RSF1: variants seen among roughly 807,000 people sequenced by gnomAD.
RSF1 encodes HBV pX-associated protein 8.
A neutral mutation model predicts 145.2 loss-of-function variants in RSF1; 13 were observed. The observed-to-expected ratio is 0.09, with a 90% CI of 0.06 to 0.14. The LOEUF is 0.14. RSF1 is among the 10% of genes least tolerant of loss of function. RSF1 has a pLI of 1.00. For missense variants in RSF1, 1,517 were observed against 1,718.2 expected (o/e 0.88, Z 2.07); for synonymous variants, 577 against 592.6 (o/e 0.97, Z 0.38).
chr11:77,848,904 T>C, the RSF1 span, among the ~76,000 whole-genome samples: 1 of 152,108 alleles, frequency 6.6e-6, no homozygotes, highest in Non-Finnish European at 1.5e-5. Flanking sequence ...TCCAGCCTGC[T>C]CTTATCATCC....
Position 77,701,446 on chromosome 11 carries a change from A to C in RSF1, c.1783T>G (p.Phe595Val). ...AATCTTTGTGCGTCCTTATCAAGAA[A>C]AGTCTTTTTGGACTTCTCTAACTTT... is the stretch of plus-strand genomic sequence containing the variant. ...LEKLEKSKKT[F>V]LDKDAQRLSP... is the part of the protein sequence containing the mutation. The change falls in exon 6 of 16, where the codon TTT becomes GTT. Residue 595 changes from phenylalanine to valine, a missense_variant. Physicochemically the swap from Phe to Val is conservative, Grantham distance 50. Transcript: ENST00000308488. 1.2e-6 allele frequency: 2 copies of C among 1,614,124 alleles called. No homozygotes were observed. The highest frequency in any genetic ancestry group is 1.7e-5 in the Admixed American group (1 of 60,024).
intron 11 of RSF1, among the ~76,000 whole-genome samples, chr11:77,679,128 C>T (rs565976646): frequency 6.6e-6 from 1 of 152,286 alleles, no homozygotes; most frequent in Admixed American, 6.5e-5. Flanking sequence ...ATGATACAGA[C>T]GTGTTTCAAT....
rs1417522257 is a variant in RSF1, at chr11:77,702,331, G to C, written c.898C>G (p.Pro300Ala). The C allele has an allele frequency of 6.2e-7, 1 of 1,609,478 alleles. No homozygotes were observed. Among genetic ancestry groups the C allele is most frequent in the Non-Finnish European group, 8.5e-7 (1 of 1,178,992 alleles). Residue 300 changes from proline (P) to alanine (A), a missense_variant, in exon 6 of 16, where the codon CCA becomes GCA. Coordinates refer to ENST00000308488, the MANE Select transcript of RSF1 (RefSeq NM_016578.4). Reference protein sequence around the residue: ...PVIVKLEKPLPENEEKKIIKE... With the variant: ...PVIVKLEKPLAENEEKKIIKE... ...ATAATCTTTTTTTCTTCATTTTCTG[G>C]CAAAGGTTTTTCTAGCTTCACTATG...
intron 1 of RSF1, among the ~76,000 whole-genome samples, chr11:77,793,949 A>G (rs1441309720): frequency 6.6e-6 from 1 of 152,234 alleles, no homozygotes; most frequent in Non-Finnish European, 1.5e-5. Context: ...GAAGGTCATT[A>G]TACAATGATA....
the RSF1 span, among the ~76,000 whole-genome samples, chr11:77,849,520 G>A: frequency 3.3e-5 from 5 of 152,190 alleles, no homozygotes; most frequent in East Asian, 5.8e-4. Flanking sequence ...CACTGCACCC[G>A]GCCTAATTTT....
At chr11:77,803,691 A>G (rs1948648982) in intron 1 of RSF1, among the ~76,000 whole-genome samples, 1 of 151,992 alleles carries the variant, frequency 6.6e-6, no homozygotes, top group African/African-American at 2.4e-5. Flanking sequence ...AGGCAGGAGA[A>G]TTGCTTAAAC....
At chr11:77,839,804 C>T in the RSF1 span, among the ~76,000 whole-genome samples, 2 of 152,014 alleles carry the variant, frequency 1.3e-5, no homozygotes, top group African/African-American at 4.8e-5. Context: ...GAACAACACA[C>T]ACTGGGGCTT....
chr11:77,871,632 A>G, the RSF1 span, among the ~76,000 whole-genome samples: 9 of 152,190 alleles, frequency 5.9e-5, no homozygotes, highest in African/African-American at 1.7e-4. Context: ...TATTATACCT[A>G]TTTTACAAGG....
intron 1 of RSF1, among the ~76,000 whole-genome samples, chr11:77,769,489 C>G (rs562583895): frequency 1.5e-4 from 23 of 152,264 alleles, no homozygotes; most frequent in Non-Finnish European, 1.9e-4. Flanking sequence ...ATTTCATAAA[C>G]AAACCCCCTT....
the RSF1 span, among the ~76,000 whole-genome samples, chr11:77,858,770 G>A: frequency 1.3e-5 from 2 of 152,312 alleles, no homozygotes; most frequent in Admixed American, 6.5e-5. Context: ...ATTAACATCA[G>A]AGCATGGGCT....
intron 4 of RSF1, among the ~76,000 whole-genome samples, chr11:77,727,912 A>T (rs1961097644): frequency 6.6e-6 from 1 of 152,298 alleles, no homozygotes; most frequent in Admixed American, 6.5e-5. Context: ...TGAAAACAAA[A>T]CTACCCATCT....
intron 1 of RSF1, among the ~76,000 whole-genome samples, chr11:77,765,657 G>A (rs1948217989): frequency 6.6e-6 from 1 of 152,260 alleles, no homozygotes; most frequent in South Asian, 2.1e-4. Context: ...TAAACAATCA[G>A]AGTTCCTCTA....
At chr11:77,814,755 A>T (rs1354290145) in intron 1 of RSF1, among the ~76,000 whole-genome samples, 2 of 152,186 alleles carry the variant, frequency 1.3e-5, no homozygotes, top group Non-Finnish European at 2.9e-5. Context: ...GAAAAAATAC[A>T]TTTTTATAAA....
chr11:77,701,943 G>A lies in RSF1; in HGVS notation c.1286C>T (p.Ser429Phe), dbSNP rs773798123. The change falls in exon 6 of 16, where the codon TCT (serine) becomes TTT (phenylalanine). Residue 429 changes from serine to phenylalanine, a missense_variant. Physicochemically the swap from Ser to Phe is radical, Grantham distance 155. Coordinates refer to ENST00000308488, the MANE Select transcript of RSF1 (RefSeq NM_016578.4). ...KQEEETCKRI[S>F]TITALGHEGK... The stretch of plus-strand genomic sequence containing the variant: ...TTCATGACCCAAAGCAGTGATTGTA[G>A]AGATCCTTTTACAAGTCTCTTCCTC... 1.2e-6 allele frequency: 2 copies of A among 1,613,578 alleles called. No individual in the cohort carries two copies. The highest frequency in any genetic ancestry group is 1.1e-5 in the South Asian group (1 of 90,930).
the RSF1 span, among the ~76,000 whole-genome samples, chr11:77,863,812 C>T: frequency 3.3e-5 from 5 of 152,078 alleles, no homozygotes; most frequent in South Asian, 1.0e-3. Flanking sequence ...TCTCTGCCTA[C>T]CCCTATAACT....
the RSF1 span, chr11:77,869,038 A>G: frequency 2.9e-6 from 1 of 342,956 alleles, no homozygotes; most frequent in Non-Finnish European, 5.5e-6. Flanking sequence ...TTTGTGGGAC[A>G]TTCCTTTTTG....
intron 5 of RSF1, among the ~76,000 whole-genome samples, chr11:77,713,405 A>C (rs1428632813): frequency 6.6e-6 from 1 of 151,886 alleles, no homozygotes. Context: ...CTGATGTCAA[A>C]AAGAGTGAAG....
At chr11:77,757,330 G>C (rs949915881) in intron 2 of RSF1, among the ~76,000 whole-genome samples, 5 of 152,296 alleles carry the variant, frequency 3.3e-5, no homozygotes, top group East Asian at 1.9e-4. Context: ...GTCTGTGAAA[G>C]TGGGTCATGG....
the RSF1 span, among the ~76,000 whole-genome samples, chr11:77,852,160 G>C: frequency 7.0e-6 from 1 of 142,714 alleles, no homozygotes; most frequent in Admixed American, 7.4e-5. Context: ...GATCACTTGT[G>C]CCCAGGAGGT....
Sources: allele counts gnomAD v4.1 joint callset (sites outside exome capture counted in the v4.1 genomes callset), GRCh38; gene constraint gnomAD v4.1.1; transcripts MANE v1.5; gene names NCBI Gene and HGNC (gene_info 2026-07-23, HGNC 2026-07-21).